Variants in KIAA1217 observed in about 807,000 individuals in gnomAD.
KIAA1217 encodes the protein KIAA1217, also known as sickle tail protein homolog.
In KIAA1217, 88 loss-of-function variants were observed where a neutral mutation model predicts 163.9. The observed-to-expected ratio is 0.54, with a 90% CI of 0.45 to 0.64. The LOEUF is 0.64. Ranked by LOEUF, KIAA1217 falls within the 30% of genes least tolerant of loss-of-function variation. The pLI is 0.00. For synonymous variants in KIAA1217, 903 were observed against 923.1 expected, an observed-to-expected ratio of 0.98 and a Z score of 0.39; for missense variants, 2,372 against 2,475.0, an observed-to-expected ratio of 0.96 and a Z score of 0.88.
intron 1 of KIAA1217, among the ~76,000 whole-genome samples, chr10:23,961,029 A>G (rs1267017592): frequency 1.3e-5 from 2 of 152,214 alleles, no homozygotes; most frequent in Non-Finnish European, 2.9e-5. Flanking sequence ...CCTCCAGAGA[A>G]TTTTAGAATT....
chr10:24,282,749 C>T (rs559044991), intron 2 of KIAA1217, among the ~76,000 whole-genome samples: 1 of 151,286 alleles, frequency 6.6e-6, no homozygotes, highest in South Asian at 2.1e-4. Context: ...CATTTCCTGC[C>T]ACAATCCTAA....
At chr10:24,188,238 G>A (rs1263780340) in intron 2 of KIAA1217, among the ~76,000 whole-genome samples, 1 of 152,122 alleles carries the variant, frequency 6.6e-6, no homozygotes, top group African/African-American at 2.4e-5. Flanking sequence ...TAATATCTGT[G>A]TTTGTTTTAA....
chr10:23,870,927 T>C (rs1246528959), intron 1 of KIAA1217, among the ~76,000 whole-genome samples: 1 of 152,104 alleles, frequency 6.6e-6, no homozygotes, highest in African/African-American at 2.4e-5. Context: ...TGAAATTAAA[T>C]ATGTGACTAA....
chr10:24,114,461 C>A (rs191793253), intron 2 of KIAA1217, among the ~76,000 whole-genome samples: 2 of 152,300 alleles, frequency 1.3e-5, no homozygotes, highest in Non-Finnish European at 2.9e-5. Flanking sequence ...ACAGACCCCC[C>A]CTGTTGCAGC....
chr10:24,241,695 A>G (rs867187651), intron 2 of KIAA1217, among the ~76,000 whole-genome samples: 1 of 152,216 alleles, frequency 6.6e-6, no homozygotes, highest in Non-Finnish European at 1.5e-5. Context: ...CCTCTATCCC[A>G]GACAGAAACA....
intron 3 of KIAA1217, among the ~76,000 whole-genome samples, chr10:24,400,555 C>G (rs1564615618): frequency 6.6e-6 from 1 of 152,180 alleles, no homozygotes; most frequent in Non-Finnish European, 1.5e-5. Context: ...GCCACAGATC[C>G]ATGCTTACCT....
At chr10:23,784,829 C>G (rs1835417675) in intron 1 of KIAA1217, among the ~76,000 whole-genome samples, 1 of 151,918 alleles carries the variant, frequency 6.6e-6, no homozygotes, top group African/African-American at 2.4e-5. Context: ...GCTGTAGTTA[C>G]TTTTTGTCTG....
chr10:24,404,935 T>C (rs2057039654), intron 3 of KIAA1217, among the ~76,000 whole-genome samples: 6 of 152,300 alleles, frequency 3.9e-5, no homozygotes, highest in South Asian at 4.2e-4. Context: ...GATAAAATTA[T>C]AGAGATGCAG....
chr10:24,183,471 A>G (rs983473296), intron 2 of KIAA1217, among the ~76,000 whole-genome samples: 6 of 152,230 alleles, frequency 3.9e-5, no homozygotes, highest in Non-Finnish European at 8.8e-5. Flanking sequence ...TGAAAAAAAG[A>G]CAGTGGGGCT....
intron 5 of KIAA1217, among the ~76,000 whole-genome samples, chr10:24,471,286 C>T (rs962438973): frequency 1.3e-5 from 2 of 152,104 alleles, no homozygotes; most frequent in South Asian, 2.1e-4. Context: ...TTATACCCTT[C>T]TTCTCTGTCA....
chr10:23,918,833 G>C (rs905395548), intron 1 of KIAA1217, among the ~76,000 whole-genome samples: 2 of 151,930 alleles, frequency 1.3e-5, no homozygotes, highest in African/African-American at 2.4e-5. Context: ...GAGCAAGTTT[G>C]CTGACAGCAG....
chr10:23,976,353 A>G (rs1845539380), intron 1 of KIAA1217, among the ~76,000 whole-genome samples: 1 of 152,208 alleles, frequency 6.6e-6, no homozygotes. Context: ...TTCTTCCTCT[A>G]CAAGATTATA....
In KIAA1217 at chr10:23,926,489, G is replaced by C. The variant is rs540385853; in HGVS notation, c.-320-80736G>C. Among the ~76,000 whole-genome samples, 370 of 152,192 alleles carry C rather than the reference G, an allele frequency of 2.4e-3. 1 individual carries two copies. The highest frequency in any genetic ancestry group is 4.0e-3 in the Non-Finnish European group (271 of 67,996). On this transcript the variant is annotated intron_variant, in intron 1 of 18. Transcript: ENST00000376462. The stretch of plus-strand genomic sequence containing the variant: ...CCTGTAATCCCAACACTTTGGGAGG[G>C]CGACGTGAGTGGATCACCTGAGGTC...
intron 4 of KIAA1217, 131 bp from the exon 5 acceptor site, chr10:24,438,255 G>C: frequency 3.2e-6 from 2 of 619,182 alleles, no homozygotes; most frequent in Non-Finnish European, 2.9e-6. Context: ...CATAGCTTTT[G>C]ACTGGCGTAC....
chr10:23,704,535 CATGTATATGGAATCATA>C (rs1011446820), intron 1 of KIAA1217, among the ~76,000 whole-genome samples: 2 of 151,968 alleles, frequency 1.3e-5, no homozygotes, highest in Non-Finnish European at 2.9e-5. Context: ...TTGGACATTT[CATGTATATGGAATCATA>C]ACAGTATTTA....
chr10:24,230,221 C>T (rs972109860), intron 2 of KIAA1217, among the ~76,000 whole-genome samples: 2 of 152,056 alleles, frequency 1.3e-5, no homozygotes, highest in Admixed American at 1.3e-4. Context: ...GGTTGAGTAT[C>T]CTTTATCTGA....
chr10:24,186,679 T>C (rs2131966144), intron 2 of KIAA1217, among the ~76,000 whole-genome samples: 1 of 152,158 alleles, frequency 6.6e-6, no homozygotes, highest in South Asian at 2.1e-4. Context: ...TCACCTGAGG[T>C]CAGGAGTTGA....
intron 2 of KIAA1217, among the ~76,000 whole-genome samples, chr10:24,173,129 CCTGTCAGATCA>C (rs1233520032): frequency 6.6e-6 from 1 of 152,104 alleles, no homozygotes; most frequent in Non-Finnish European, 1.5e-5. Context: ...AGCTCCACCT[CCTGTCAGATCA>C]CTGGTGGTAT....
intron 1 of KIAA1217, among the ~76,000 whole-genome samples, chr10:23,757,444 G>A (rs1833980237): frequency 6.6e-6 from 1 of 152,050 alleles, no homozygotes; most frequent in South Asian, 2.1e-4. Context: ...ATGGGTGTGA[G>A]GGGGTGTCTC....
Sources: gnomAD v4.1 joint callset for allele counts (sites outside exome capture counted in the v4.1 genomes callset) on GRCh38, gnomAD v4.1.1 for gene constraint, MANE v1.5 for transcripts, NCBI Gene and HGNC (gene_info 2026-07-23, HGNC 2026-07-21) for gene names.